Variants in OR1B1 observed in about 807,000 individuals in gnomAD.
OR1B1 encodes the protein olfactory receptor family 1 subfamily B member 1.
For missense variants in OR1B1, 414 were observed against 402.1 expected (o/e 1.03, Z -0.25); for synonymous variants, 168 against 156.2 (o/e 1.08, Z -0.57).
At chr9:122,649,447 T>C in the OR1B1 span, among the ~76,000 whole-genome samples, 1 of 152,014 alleles carries the variant, frequency 6.6e-6, no homozygotes, top group Admixed American at 6.6e-5. Context: ...AAAGAAACTA[T>C]CATCAGAGTG....
At chr9:122,634,469 G>A (rs138373221), upstream of OR1B1, among the ~76,000 whole-genome samples, 1,338 of 152,306 alleles carry the variant, frequency 8.8e-3, 19 homozygotes, top group African/African-American at 0.03. Context: ...CCCTCAGGAA[G>A]CTTGCAATCA....
chr9:122,641,085 T>G, the OR1B1 span, among the ~76,000 whole-genome samples: 1 of 152,208 alleles, frequency 6.6e-6, no homozygotes, highest in Non-Finnish European at 1.5e-5. Flanking sequence ...AGGGATGGAA[T>G]GAGGTCATGA....
chr9:122,630,353 C>T (rs1396759144), upstream of OR1B1, among the ~76,000 whole-genome samples: 1 of 152,196 alleles, frequency 6.6e-6, no homozygotes, highest in African/African-American at 2.4e-5. Context: ...GATGCACAAA[C>T]AAAAAACTGA....
chr9:122,639,769 TTA>T, the OR1B1 span: 3 of 149,124 alleles, frequency 2.0e-5, no homozygotes, highest in Non-Finnish European at 4.5e-5. Context: ...CAATATATAT[TTA>T]TATATATTTA....
At chr9:122,643,982 T>C in the OR1B1 span, among the ~76,000 whole-genome samples, 1 of 152,102 alleles carries the variant, frequency 6.6e-6, no homozygotes, top group African/African-American at 2.4e-5. Context: ...ACTGTGGGCC[T>C]TGGGCTCTGA....
At chr9:122,654,293 G>T in the OR1B1 span, among the ~76,000 whole-genome samples, 1 of 152,126 alleles carries the variant, frequency 6.6e-6, no homozygotes, top group African/African-American at 2.4e-5. Context: ...TATACAAAGA[G>T]GTAGGTTCTT....
exon 1 of OR1B1, chr9:122,629,437 G>A: frequency 2.5e-6 from 4 of 1,613,962 alleles, no homozygotes; most frequent in South Asian, 2.2e-5. Context: ...AAATAGCCAG[G>A]AACAGGAAGA....
chr9:122,634,237 G>A (rs1287933454), upstream of OR1B1, among the ~76,000 whole-genome samples: 2 of 151,844 alleles, frequency 1.3e-5, no homozygotes, highest in African/African-American at 4.8e-5. Flanking sequence ...TCAGGAGGCT[G>A]AGGCAGGAGA....
chr9:122,653,886 AT>A, the OR1B1 span, among the ~76,000 whole-genome samples: 1 of 152,198 alleles, frequency 6.6e-6, no homozygotes, highest in African/African-American at 2.4e-5. Flanking sequence ...GCATTTATGC[AT>A]TTTTTGAGTG....
chr9:122,628,527 G>T, downstream of OR1B1: 1 of 1,246,440 alleles, frequency 8.0e-7, no homozygotes, highest in African/African-American at 1.5e-5. Flanking sequence ...ACTCTGCTCA[G>T]AATATGCCCA....
At chr9:122,629,182 A>G in exon 1 of OR1B1, 1 of 1,614,080 alleles carries the variant, frequency 6.2e-7, no homozygotes, top group Non-Finnish European at 8.5e-7. Flanking sequence ...GAGCCATGAC[A>G]GCAATGACAA....
At chr9:122,655,048 A>C in the OR1B1 span, among the ~76,000 whole-genome samples, 1 of 152,198 alleles carries the variant, frequency 6.6e-6, no homozygotes, top group Non-Finnish European at 1.5e-5. Flanking sequence ...GTACTCCATA[A>C]ATTACACAAT....
the OR1B1 span, among the ~76,000 whole-genome samples, chr9:122,652,580 A>G: frequency 2.0e-5 from 3 of 152,168 alleles, no homozygotes; most frequent in African/African-American, 7.2e-5. Flanking sequence ...TATCTTTATT[A>G]CAGGTTTAGA....
chr9:122,637,829 T>C, the OR1B1 span, among the ~76,000 whole-genome samples: 1 of 152,188 alleles, frequency 6.6e-6, no homozygotes, highest in Admixed American at 6.5e-5. Flanking sequence ...AAAATGGATA[T>C]ACAGATACAG....
At chr9:122,642,466 G>A in the OR1B1 span, among the ~76,000 whole-genome samples, 1 of 152,130 alleles carries the variant, frequency 6.6e-6, no homozygotes, top group African/African-American at 2.4e-5. Context: ...ATCAGGGCTG[G>A]TGAGGCTAGG....
the OR1B1 span, among the ~76,000 whole-genome samples, chr9:122,656,139 TTTG>T: frequency 4.1e-4 from 63 of 152,276 alleles, no homozygotes; most frequent in African/African-American, 1.0e-3. Context: ...GTATCCATTT[TTTG>T]TTGTTGTTGT....
At chr9:122,646,528 CA>C in the OR1B1 span, among the ~76,000 whole-genome samples, 109 of 135,250 alleles carry the variant, frequency 8.1e-4, no homozygotes, top group East Asian at 1.1e-3. Flanking sequence ...CAATGAAGAC[CA>C]AAAAAAAAAA....
chr9:122,629,451 G>A (rs1353921241), exon 1 of OR1B1: 2 of 1,613,412 alleles, frequency 1.2e-6, no homozygotes, highest in East Asian at 4.5e-5. Context: ...AGGAAGAAGA[G>A]GAGAGTGTAG....
At chr9:122,656,724 T>C in the OR1B1 span, among the ~76,000 whole-genome samples, 1 of 152,204 alleles carries the variant, frequency 6.6e-6, no homozygotes, top group African/African-American at 2.4e-5. Flanking sequence ...TTTCACAGTC[T>C]ACAAACTAAA....
Sources: allele counts gnomAD v4.1 joint callset (sites outside exome capture counted in the v4.1 genomes callset), GRCh38; gene constraint gnomAD v4.1.1; transcripts MANE v1.5; gene names NCBI Gene and HGNC (gene_info 2026-07-23, HGNC 2026-07-21).